DIAPH3: variants seen among roughly 807,000 people sequenced by gnomAD.
DIAPH3 encodes the protein protein diaphanous homolog 3.
In DIAPH3, 117 loss-of-function variants were observed where a neutral mutation model predicts 144.3. That is an observed-to-expected ratio of 0.81 (90% confidence interval 0.70 to 0.95). The LOEUF (loss-of-function observed/expected upper bound fraction) is 0.95. Among genes scored for constraint, DIAPH3 ranks in the 40% least tolerant of loss-of-function variants. The pLI, the probability that DIAPH3 is intolerant of heterozygous loss-of-function variation, is 0.00. For missense variants in DIAPH3, 1,421 were observed against 1,412.7 expected, an observed-to-expected ratio of 1.01 and a Z score of -0.09; for synonymous variants, 519 against 488.9, an observed-to-expected ratio of 1.06 and a Z score of -0.81.
rs755991311 is a variant in DIAPH3 at position 59,970,954 on chromosome 13, A to G, written c.1857T>C (p.Leu619=). 1.2e-5 allele frequency: 19 copies of G among 1,613,878 alleles called. No individual in the cohort carries two copies. The South Asian group carries it at 2.1e-4, about 18-fold the overall frequency. ...GTAGAGGAGGAGAATTTTGTCCTCCAAGGAATCCCAGGGGAGGTGGTGGAG... is the reference window on the plus strand; with the variant it reads ...GTAGAGGAGGAGAATTTTGTCCTCCGAGGAATCCCAGGGGAGGTGGTGGAG... ...PVPPPPPLGF[L]GGQNSPPLPI... Residue 619 remains leucine (L), a synonymous_variant, in exon 16 of 28, where the codon CTT becomes CTC. Coordinates refer to ENST00000400324, the MANE Select transcript of DIAPH3 (RefSeq NM_001042517.2).
intron 17 of DIAPH3, among the ~76,000 whole-genome samples, chr13:59,960,748 C>A (rs1359691956): frequency 6.6e-6 from 1 of 152,084 alleles, no homozygotes; most frequent in African/African-American, 2.4e-5. Context: ...GTTCTATGCT[C>A]TAAAACTGAA....
intron 4 of DIAPH3, among the ~76,000 whole-genome samples, chr13:60,053,246 T>A (rs1216010478): frequency 3.3e-5 from 5 of 151,990 alleles, no homozygotes; most frequent in African/African-American, 1.2e-4. Flanking sequence ...GAAAGGATAC[T>A]CACGGCTGCA....
At chr13:59,869,905 T>C (rs2044153983) in intron 21 of DIAPH3, among the ~76,000 whole-genome samples, 1 of 152,178 alleles carries the variant, frequency 6.6e-6, no homozygotes, top group African/African-American at 2.4e-5. Flanking sequence ...AGGTATGTGT[T>C]TTGGAAAGAT....
chr13:59,821,341 C>G (rs2041063461), intron 24 of DIAPH3, among the ~76,000 whole-genome samples: 1 of 152,036 alleles, frequency 6.6e-6, no homozygotes, highest in Non-Finnish European at 1.5e-5. Flanking sequence ...TAATAAAAGG[C>G]AATGCTTCAC....
intron 1 of DIAPH3, among the ~76,000 whole-genome samples, chr13:60,146,144 C>T (rs1478297051): frequency 6.6e-6 from 1 of 152,130 alleles, no homozygotes; most frequent in East Asian, 1.9e-4. Context: ...GAGCACAATT[C>T]CAGTTTTTAC....
chr13:59,861,811 T>C (rs1401910975), intron 21 of DIAPH3, among the ~76,000 whole-genome samples: 1 of 152,126 alleles, frequency 6.6e-6, no homozygotes, highest in East Asian at 1.9e-4. Context: ...GAAAACAGAG[T>C]AACCTATGAG....
chr13:59,861,140 G>A, intron 22 of DIAPH3: 1 of 1,102,550 alleles, frequency 9.1e-7, no homozygotes, highest in South Asian at 1.8e-5. Context: ...GCAGTAGAAG[G>A]TAGGGCTAGC....
chr13:60,010,763 G>A (rs1044574418), intron 7 of DIAPH3, 94 bp from the exon 8 acceptor site: 96 of 1,293,972 alleles, frequency 7.4e-5, no homozygotes, highest in Non-Finnish European at 9.9e-5. Flanking sequence ...AAATTTATAG[G>A]ACATTTTTAC....
intron 27 of DIAPH3, among the ~76,000 whole-genome samples, chr13:59,669,174 C>T (rs978854807): frequency 3.3e-5 from 5 of 152,202 alleles, no homozygotes; most frequent in African/African-American, 7.2e-5. Flanking sequence ...ATTCTCGCAA[C>T]AGCTTTGTAA....
At chr13:60,108,382 G>A (rs1038781544) in intron 3 of DIAPH3, among the ~76,000 whole-genome samples, 10 of 152,126 alleles carry the variant, frequency 6.6e-5, no homozygotes, top group Non-Finnish European at 1.0e-4. Context: ...GCTGAAGCGG[G>A]TGGATCACTT....
intron 27 of DIAPH3, among the ~76,000 whole-genome samples, chr13:59,686,528 C>T (rs1027192577): frequency 1.3e-5 from 2 of 151,034 alleles, no homozygotes; most frequent in Non-Finnish European, 3.0e-5. Context: ...AAAAAAAGTA[C>T]TGCTATTTAA....
intron 21 of DIAPH3, among the ~76,000 whole-genome samples, chr13:59,866,979 C>T (rs340217): frequency 0.49 from 73,617 of 150,778 alleles, 19,262 homozygotes; most frequent in Non-Finnish European, 0.57. Context: ...CTGGTATGTA[C>T]GTGTGCTTGT....
intron 22 of DIAPH3, 193 bp downstream of exon 22, chr13:59,861,214 C>A: frequency 6.7e-7 from 1 of 1,481,990 alleles, no homozygotes; most frequent in Admixed American, 2.5e-5. Flanking sequence ...CATCATCTAA[C>A]TAAACAAATT....
intron 1 of DIAPH3, 127 bp downstream of exon 1, chr13:60,163,460 T>A: frequency 2.3e-6 from 3 of 1,318,974 alleles, no homozygotes; most frequent in African/African-American, 1.5e-5. Flanking sequence ...GTTGTCAATC[T>A]ATGATCTTTG....
At chr13:60,005,731 T>G (rs963278892) in intron 9 of DIAPH3, among the ~76,000 whole-genome samples, 1 of 152,136 alleles carries the variant, frequency 6.6e-6, no homozygotes, top group African/African-American at 2.4e-5. Context: ...TCTGCCCGCC[T>G]TGGCCTCCCA....
At chr13:59,901,486 A>T (rs1593900921) in intron 20 of DIAPH3, among the ~76,000 whole-genome samples, 2 of 152,088 alleles carry the variant, frequency 1.3e-5, no homozygotes, top group South Asian at 4.2e-4. Context: ...TAACCACACA[A>T]ATTGCACACA....
Position 60,010,585 on chromosome 13 carries a change from T to A in DIAPH3, c.856A>T (p.Thr286Ser). The A allele has an allele frequency of 6.2e-7, 1 of 1,613,390 alleles. No individual in the cohort carries two copies. The highest frequency in any genetic ancestry group is 8.5e-7 in the Non-Finnish European group (1 of 1,179,604). Residue 286 changes from threonine (T) to serine (S), a missense_variant, in exon 8 of 28, where the codon ACA becomes TCA. Physicochemically the swap from Thr to Ser is moderately conservative, Grantham distance 58. Coordinates refer to ENST00000400324, the MANE Select transcript of DIAPH3 (RefSeq NM_001042517.2). ...AVDPRHPNMMTDVVKLLSAVC... is the reference protein window; with the variant it reads ...AVDPRHPNMMSDVVKLLSAVC... ...GCAGAGAGAAGTTTAACCACATCTG[T>A]CATCATATTGGGGTGTCTGGGATCC... is the stretch of plus-strand genomic sequence containing the variant.
intron 27 of DIAPH3, among the ~76,000 whole-genome samples, chr13:59,765,413 T>C (rs998140070): frequency 2.6e-5 from 4 of 152,212 alleles, no homozygotes; most frequent in African/African-American, 9.6e-5. Context: ...ATCACAAATC[T>C]GGGCACCTTC....
intron 27 of DIAPH3, among the ~76,000 whole-genome samples, chr13:59,767,193 C>G (rs181342931): frequency 2.7e-4 from 41 of 152,260 alleles, no homozygotes; most frequent in African/African-American, 8.9e-4. Flanking sequence ...CACAGTAGCA[C>G]CACCTCGTTG....
Sources: gnomAD v4.1 joint callset for allele counts (sites outside exome capture counted in the v4.1 genomes callset) on GRCh38, gnomAD v4.1.1 for gene constraint, MANE v1.5 for transcripts, NCBI Gene and HGNC (gene_info 2026-07-23, HGNC 2026-07-21) for gene names.